CTTNBP2: variants seen among roughly 807,000 people sequenced by gnomAD.
CTTNBP2 encodes the protein cortactin binding protein 2, also known as cortactin-binding protein 2.
In CTTNBP2, 108 loss-of-function variants were observed where a neutral mutation model predicts 156.9. The ratio of observed to expected loss-of-function variants is 0.69; its 90% CI spans 0.59 to 0.81. The LOEUF is 0.81. Among genes scored for constraint, CTTNBP2 ranks in the 30% least tolerant of loss-of-function variants. The pLI is 0.00. For synonymous variants in CTTNBP2, 767 were observed against 751.8 expected (o/e 1.02, Z -0.33); for missense variants, 1,924 against 2,035.4 (o/e 0.95, Z 1.05).
rs1298639361 is a variant in CTTNBP2, at chr7:117,817,361, A to ATAAATATATATATATATATATAT, written c.190-6373_190-6372insATATATATATATATATATATTTA. Among the ~76,000 whole-genome samples the ATAAATATATATATATATATATAT allele has an allele frequency of 3.2e-3, 171 of 53,272 alleles. 5 individuals carry two copies. The highest frequency in any genetic ancestry group is 0.017 in the Middle Eastern group (1 of 60). The allele number at this position is 53,272 out of a possible 152,430, so 34.9% of individuals were successfully genotyped here. The stretch of plus-strand genomic sequence containing the variant: ...AAAAAAAAAAAAAAAAAAAAAAAAA[A>ATAAATATATATATATATATATAT]ATATATATATATATATATATATATA... On this transcript the variant is annotated intron_variant, in intron 2 of 22. Coordinates refer to ENST00000160373, the MANE Select transcript of CTTNBP2 (RefSeq NM_033427.3).
intron 14 of CTTNBP2, among the ~76,000 whole-genome samples, chr7:117,737,717 G>T (rs1056022869): frequency 2.0e-5 from 3 of 152,052 alleles, no homozygotes; most frequent in African/African-American, 7.2e-5. Context: ...GGGATTACAG[G>T]TGCACACCAC....
At chr7:117,748,501 G>A (rs1464552220) in intron 12 of CTTNBP2, among the ~76,000 whole-genome samples, 1 of 151,864 alleles carries the variant, frequency 6.6e-6, no homozygotes, top group Non-Finnish European at 1.5e-5. Flanking sequence ...CATCATTATA[G>A]CTCTGTCTTC....
chr7:117,780,620 A>G, intron 6 of CTTNBP2, 29 bp from the exon 7 acceptor site: 2 of 1,490,316 alleles, frequency 1.3e-6, no homozygotes, highest in South Asian at 2.7e-5. Flanking sequence ...TTAATTACAT[A>G]AAACCTGGGT....
At chr7:117,748,005 C>T (rs1446347670) in intron 12 of CTTNBP2, among the ~76,000 whole-genome samples, 2 of 151,832 alleles carry the variant, frequency 1.3e-5, no homozygotes, top group Non-Finnish European at 2.9e-5. Flanking sequence ...AGTTGGAATA[C>T]TGTTCAATTA....
chr7:117,732,845 C>A (rs912671947), intron 16 of CTTNBP2, among the ~76,000 whole-genome samples: 1 of 152,036 alleles, frequency 6.6e-6, no homozygotes, highest in Non-Finnish European at 1.5e-5. Flanking sequence ...GTGATACCAG[C>A]AGCTCTATTA....
chr7:117,778,575 T>C (rs2116776947), intron 7 of CTTNBP2, among the ~76,000 whole-genome samples: 1 of 152,252 alleles, frequency 6.6e-6, no homozygotes, highest in Non-Finnish European at 1.5e-5. Flanking sequence ...TTAAGCCTCA[T>C]CTCAGATCTA....
chr7:117,863,201 A>G (rs555312495), intron 1 of CTTNBP2, among the ~76,000 whole-genome samples: 2 of 152,352 alleles, frequency 1.3e-5, no homozygotes, highest in East Asian at 3.9e-4. Flanking sequence ...AAGGTTTTAA[A>G]AGGATCTCTC....
At chr7:117,834,054 CTTCT>C (rs1418535633) in intron 2 of CTTNBP2, among the ~76,000 whole-genome samples, 2 of 95,860 alleles carry the variant, frequency 2.1e-5, no homozygotes, top group Admixed American at 1.1e-4. Context: ...TTTTTTCTTT[CTTCT>C]TTTTTTTTTT....
chr7:117,760,665 G>A lies in CTTNBP2; in HGVS notation c.2942C>T (p.Pro981Leu), dbSNP rs755419686. The change falls in exon 10 of 23, where the codon CCA (proline) becomes CTA (leucine). Residue 981 changes from proline to leucine, a missense_variant. Transcript: ENST00000160373. ...PLRISVGEIE[P>L]SNYGSDDLEC... Reference sequence around the variant, plus strand: ...CAAGTCATCAGAACCATAGTTGCTTGGTTCAATCTCACCCACTGAAATCCT... The same window carrying A: ...CAAGTCATCAGAACCATAGTTGCTTAGTTCAATCTCACCCACTGAAATCCT... 8.7e-6 allele frequency: 14 copies of A among 1,613,054 alleles called. No homozygotes were observed. Among genetic ancestry groups the A allele is most frequent in the Non-Finnish European group, 1.0e-5 (12 of 1,179,360 alleles).
chr7:117,840,326 A>G (rs372333187), intron 2 of CTTNBP2, among the ~76,000 whole-genome samples: 1 of 152,122 alleles, frequency 6.6e-6, no homozygotes, highest in Non-Finnish European at 1.5e-5. Context: ...CATCCCTAGC[A>G]TCAAGTTGGG....
At chr7:117,763,988 T>G (rs185667608) in intron 9 of CTTNBP2, among the ~76,000 whole-genome samples, 57 of 152,224 alleles carry the variant, frequency 3.7e-4, no homozygotes, top group Admixed American at 1.7e-3. Context: ...GCCTTCAGTT[T>G]GCTTTTCCCC....
intron 12 of CTTNBP2, among the ~76,000 whole-genome samples, chr7:117,749,627 G>T (rs1158217676): frequency 6.6e-6 from 1 of 152,148 alleles, no homozygotes; most frequent in African/African-American, 2.4e-5. Flanking sequence ...GAGTGGAGAA[G>T]AATATCATAG....
Position 117,784,410 on chromosome 7 carries a change from C to A in CTTNBP2, c.2113G>T (p.Ala705Ser). 6.2e-7 allele frequency: 1 copy of A among 1,611,676 alleles called. No homozygotes were observed. Among genetic ancestry groups the A allele is most frequent in the Non-Finnish European group, 8.5e-7 (1 of 1,179,242 alleles). Residue 705 changes from alanine to serine, a missense_variant, in exon 5 of 23, where the codon GCC becomes TCC. Transcript: ENST00000160373. ...LTPLLMSGGP[A>S]PLAGRPTLLQ... ...AGGGTGGGCCTGCCAGCCAGGGGGG[C>A]AGGACCACCACTCATTAGCAAAGGG... is the stretch of plus-strand genomic sequence containing the variant.
In CTTNBP2 at chr7:117,711,794, A is replaced by G. The variant is rs2116303055; in HGVS notation, c.4747-12T>C. On this transcript the variant is annotated splice_polypyrimidine_tract_variant and intron_variant, in intron 22 of 22. Transcript: ENST00000160373. ...AGAGGACTGACCTCCTGTAAGAGAC[A>G]AGAAACCACACAAGTTTATCACAAA... 1 of 1,600,604 alleles carries G rather than the reference A, an allele frequency of 6.2e-7. No homozygotes were observed. Among genetic ancestry groups the G allele is most frequent in the South Asian group, 1.1e-5 (1 of 89,240 alleles).
At chr7:117,732,649 CAAAAAAAAAAAA>C (rs397710322) in intron 16 of CTTNBP2, among the ~76,000 whole-genome samples, 1 of 43,038 alleles carries the variant, frequency 2.3e-5, no homozygotes, top group Admixed American at 2.2e-4. Flanking sequence ...GACTCCGTCT[CAAAAAAAAAAAA>C]AAAAAAAAAA....
intron 19 of CTTNBP2, 25 bp from the exon 20 acceptor site, chr7:117,721,155 A>C: frequency 7.5e-7 from 1 of 1,340,856 alleles, no homozygotes; most frequent in Non-Finnish European, 1.1e-6. Flanking sequence ...AACCATTTTC[A>C]ATAGATCATT....
chr7:117,731,430 C>T (rs1462831143), intron 16 of CTTNBP2, among the ~76,000 whole-genome samples: 1 of 152,186 alleles, frequency 6.6e-6, no homozygotes, highest in Non-Finnish European at 1.5e-5. Flanking sequence ...CCAAATCCTA[C>T]ACAGATAGAC....
rs569682232 is a variant in CTTNBP2, at chr7:117,806,313, C to T, written c.414+4452G>A. On this transcript the variant is annotated intron_variant, in intron 3 of 22. Coordinates refer to ENST00000160373, the MANE Select transcript of CTTNBP2 (RefSeq NM_033427.3). ...AACTATGTAGGTGGGAGCAAAGCAG[C>T]GCTGTAAAGGCAATTAGTTCTAATT... is the stretch of plus-strand genomic sequence containing the variant. Among the ~76,000 whole-genome samples the T allele has an allele frequency of 3.9e-5, 6 of 152,238 alleles. No homozygotes were observed. The South Asian group carries it at 1.0e-3, about 26-fold the overall frequency.
chr7:117,713,403 T>C (rs1050854152), intron 22 of CTTNBP2, among the ~76,000 whole-genome samples: 2 of 152,226 alleles, frequency 1.3e-5, no homozygotes, highest in African/African-American at 2.4e-5. Flanking sequence ...TAAAACTGTA[T>C]TTATTGCATT....
Sources: gnomAD v4.1 joint callset for allele counts (sites outside exome capture counted in the v4.1 genomes callset) on GRCh38, gnomAD v4.1.1 for gene constraint, MANE v1.5 for transcripts, NCBI Gene and HGNC (gene_info 2026-07-23, HGNC 2026-07-21) for gene names.